Variants in STOX2 observed in about 807,000 individuals in gnomAD.
STOX2 encodes storkhead box 2.
Under a neutral mutation model 60.9 loss-of-function variants are expected in STOX2, and 28 were observed. That is an observed-to-expected ratio of 0.46 (90% confidence interval 0.34 to 0.63). The LOEUF (loss-of-function observed/expected upper bound fraction) is 0.63, where lower values mean the gene tolerates loss of function less well. Ranked by LOEUF, STOX2 falls within the 30% of genes least tolerant of loss-of-function variation. The probability of loss-of-function intolerance (pLI) is 0.01; values close to 1 mark genes in which losing one functional copy is unlikely to be tolerated. For synonymous variants in STOX2, 472 were observed against 463.9 expected (o/e 1.02, Z -0.22); for missense variants, 1,024 against 1,187.7 (o/e 0.86, Z 2.03).
intron 1 of STOX2, among the ~76,000 whole-genome samples, chr4:183,880,883 G>T (rs1021743136): frequency 6.6e-6 from 1 of 151,854 alleles, no homozygotes; most frequent in African/African-American, 2.4e-5. Flanking sequence ...TTTCACCTGT[G>T]TACAGACTCT....
chr4:183,842,678 G>T (rs1425006859), intron 1 of STOX2, among the ~76,000 whole-genome samples: 2 of 152,150 alleles, frequency 1.3e-5, no homozygotes, highest in Non-Finnish European at 2.9e-5. Context: ...TTCATTTCAC[G>T]ACATAGTGCT....
chr4:183,896,456 C>T (rs1450871517), intron 1 of STOX2, among the ~76,000 whole-genome samples: 4 of 152,208 alleles, frequency 2.6e-5, no homozygotes, highest in Non-Finnish European at 5.9e-5. Flanking sequence ...AGTGCTCCTG[C>T]GCAGACTCCC....
intron 1 of STOX2, among the ~76,000 whole-genome samples, chr4:183,939,707 G>C (rs1432672021): frequency 6.6e-6 from 1 of 152,026 alleles, no homozygotes; most frequent in Non-Finnish European, 1.5e-5. Flanking sequence ...CTTTGGGTTG[G>C]ACGGTCCCAG....
rs776416921 is a variant in STOX2 at position 184,011,499 on chromosome 4, T to C, written c.2585+76T>C. 1.3e-5 allele frequency: 20 copies of C among 1,583,630 alleles called. No individual in the cohort carries two copies. Among genetic ancestry groups the C allele is most frequent in the Non-Finnish European group, 1.7e-5 (20 of 1,162,454 alleles). ...CTTTATGCACGTAACTTGACAAGTT[T>C]CTGATTTCGTAGTCTCAGTTCTATG... On this transcript the variant is annotated intron_variant, in intron 3 of 3. Transcript: ENST00000308497. This position sits in a 1 kb window ranked among gnomAD's most constrained non-coding sequence, Gnocchi z 4.4.
intron 1 of STOX2, among the ~76,000 whole-genome samples, chr4:183,890,536 A>AGGAAGGAGAGAGGGGGGGGGGGAG: frequency 8.2e-6 from 1 of 122,576 alleles, no homozygotes; most frequent in South Asian, 3.1e-4. Context: ...AAAGGAGGGA[A>AGGAAGGAGAGAGGGGGGGGGGGAG]GGAAGGAGAG....
At chr4:183,818,289 G>A (rs1410291547) in intron 1 of STOX2, among the ~76,000 whole-genome samples, 1 of 151,864 alleles carries the variant, frequency 6.6e-6, no homozygotes, top group Non-Finnish European at 1.5e-5. Context: ...TTAGGGAGTG[G>A]TGATGACTCT....
chr4:184,011,191 G>A lies in STOX2; in HGVS notation c.2353G>A (p.Gly785Arg). Residue 785 changes from glycine (G) to arginine (R), a missense_variant, in exon 3 of 4, where the codon GGG becomes AGG. Transcript: ENST00000308497. The surrounding 1 kb of genome is among the most constrained non-coding windows in gnomAD (Gnocchi z 4.4). ...NVSDDDDSEE[G>R]ANKNTEEEKN... ...CTCTGATGATGACGACTCTGAGGAA[G>A]GGGCAAACAAGAACACAGAGGAGGA... 6.3e-7 allele frequency: 1 copy of A among 1,596,900 alleles called. No homozygotes were observed.
chr4:183,864,149 C>A (rs1041637237), intron 1 of STOX2, among the ~76,000 whole-genome samples: 4 of 152,074 alleles, frequency 2.6e-5, no homozygotes, highest in African/African-American at 9.7e-5. Context: ...TGAGGAAATA[C>A]AGAGGTAAAC....
At chr4:183,850,130 A>AT (rs1323372254) in intron 1 of STOX2, among the ~76,000 whole-genome samples, 1 of 151,604 alleles carries the variant, frequency 6.6e-6, no homozygotes, top group Non-Finnish European at 1.5e-5. Flanking sequence ...CAGCTGGCTA[A>AT]TTTTTTGTAT....
chr4:183,972,020 G>A (rs1743756352), intron 1 of STOX2, among the ~76,000 whole-genome samples: 1 of 152,208 alleles, frequency 6.6e-6, no homozygotes, highest in African/African-American at 2.4e-5. Context: ...GGAAGCCCTT[G>A]CTTCCTGACC....
chr4:183,827,999 T>G (rs1739475042), intron 1 of STOX2, among the ~76,000 whole-genome samples: 1 of 152,198 alleles, frequency 6.6e-6, no homozygotes, highest in Non-Finnish European at 1.5e-5. Context: ...CTATCCTGTT[T>G]GTGTTTAAAT....
intron 1 of STOX2, among the ~76,000 whole-genome samples, chr4:183,956,139 G>A (rs1040284289): frequency 6.6e-6 from 1 of 152,194 alleles, no homozygotes; most frequent in Non-Finnish European, 1.5e-5. Flanking sequence ...AGGACTGAGT[G>A]TCTAAATGCT....
intron 1 of STOX2, among the ~76,000 whole-genome samples, chr4:183,834,941 C>G (rs756219383): frequency 2.6e-5 from 4 of 151,940 alleles, no homozygotes; most frequent in Non-Finnish European, 5.9e-5. Context: ...TGTGGATGAG[C>G]CAAGAATTTC....
intron 1 of STOX2, among the ~76,000 whole-genome samples, chr4:183,976,806 C>T (rs906785686): frequency 2.0e-5 from 3 of 152,180 alleles, no homozygotes; most frequent in African/African-American, 7.2e-5. Context: ...AGGATGTTCA[C>T]GTTTACCATT....
At position 183,825,831 on chromosome 4, in the gene STOX2, T is replaced by C. The variant is rs1271775617; in HGVS notation, c.364+27776T>C. The stretch of plus-strand genomic sequence containing the variant: ...GCTCCTGAGCACAGGCAGGGTGTGA[T>C]CAAATCAGTGTTTGGGGAAGTTTAG... On this transcript the variant is annotated intron_variant, in intron 1 of 2. Transcript: ENST00000513034. This position sits in a 1 kb window ranked among gnomAD's most constrained non-coding sequence, Gnocchi z 4.1. Among the ~76,000 whole-genome samples the C allele has an allele frequency of 6.6e-6, 1 of 152,062 alleles. No homozygotes were observed. The highest frequency in any genetic ancestry group is 2.4e-5 in the African/African-American group (1 of 41,414).
intron 1 of STOX2, among the ~76,000 whole-genome samples, chr4:183,948,218 C>CAAAAA (rs760286920): frequency 2.3e-4 from 7 of 29,874 alleles, no homozygotes; most frequent in Non-Finnish European, 2.7e-4. Context: ...AACTCCATCT[C>CAAAAA]AAAAAAAAAA....
At chr4:183,997,960 A>T (rs1733417008) in intron 1 of STOX2, among the ~76,000 whole-genome samples, 1 of 152,226 alleles carries the variant, frequency 6.6e-6, no homozygotes, top group African/African-American at 2.4e-5. Flanking sequence ...AGTGAAACCA[A>T]ACAAATTGTT....
rs1374892014 is a variant in STOX2 at position 183,948,498 on chromosome 4, A to ACTG, written c.166+41542_166+41543insCTG. Among the ~76,000 whole-genome samples the ACTG allele has an allele frequency of 2.8e-4, 23 of 81,370 alleles. No individual in the cohort carries two copies. In the East Asian group the frequency reaches 8.6e-3, roughly 30 times the overall value. 53.4% of individuals were successfully genotyped at this position (81,370 alleles called of 152,430 possible). ...GTGCTCTTGGGGCTCTTTCTCTAAT[A>ACTG]TGCAGCCTTTGGACAAGCTGTTAAC... On this transcript the variant is annotated intron_variant, in intron 1 of 3. Coordinates refer to ENST00000308497, the MANE Select transcript of STOX2 (RefSeq NM_020225.3).
chr4:183,863,095 C>T (rs576095071), intron 1 of STOX2, among the ~76,000 whole-genome samples: 131 of 152,300 alleles, frequency 8.6e-4, no homozygotes, highest in African/African-American at 2.9e-3. Context: ...AGCCTTGTGT[C>T]TCCCACAAGG....
Sources: gnomAD v4.1 joint callset for allele counts (sites outside exome capture counted in the v4.1 genomes callset) on GRCh38, gnomAD v4.1.1 for gene constraint, Gnocchi (gnomAD v3.1) non-coding constraint, MANE v1.5 for transcripts, NCBI Gene and HGNC (gene_info 2026-07-23, HGNC 2026-07-21) for gene names.